Variants in CCNY observed in about 807,000 individuals in gnomAD.
CCNY encodes cyclin Y.
In CCNY, 19 loss-of-function variants were observed where a neutral mutation model predicts 42.8. The observed-to-expected ratio is 0.44, with a 90% confidence interval of 0.31 to 0.65. The LOEUF (loss-of-function observed/expected upper bound fraction) is 0.65. CCNY is among the 30% of genes least tolerant of loss of function. The pLI is 0.07. For synonymous variants in CCNY, 165 were observed against 162.7 expected (o/e 1.01, Z -0.11); for missense variants, 370 against 437.3 (o/e 0.85, Z 1.37).
At chr10:35,325,554 A>C (rs1196534429) in intron 3 of CCNY, among the ~76,000 whole-genome samples, 1 of 145,864 alleles carries the variant, frequency 6.9e-6, no homozygotes, top group African/African-American at 2.6e-5. Context: ...ATCTCAGCTC[A>C]CTGCAGCCTC....
chr10:35,316,222 G>C (rs1323134566), intron 3 of CCNY: 1 of 152,206 alleles, frequency 6.6e-6, no homozygotes, highest in East Asian at 1.9e-4. Flanking sequence ...GAGCTGGCCA[G>C]GGGTAGGAGT....
intron 1 of CCNY, among the ~76,000 whole-genome samples, chr10:35,352,287 C>G (rs952568749): frequency 6.6e-6 from 1 of 152,156 alleles, no homozygotes; most frequent in East Asian, 1.9e-4. Flanking sequence ...AGTGGAGTTC[C>G]TTTCCTTTCT....
chr10:35,263,994 C>T (rs566019866), intron 3 of CCNY, among the ~76,000 whole-genome samples: 26 of 152,266 alleles, frequency 1.7e-4, no homozygotes, highest in Middle Eastern at 3.4e-3. Flanking sequence ...TCCATGTCCC[C>T]GCAAAGGACA....
chr10:35,321,603 G>T (rs1180754271), intron 3 of CCNY, among the ~76,000 whole-genome samples: 2 of 151,920 alleles, frequency 1.3e-5, no homozygotes, highest in Non-Finnish European at 2.9e-5. Context: ...GCTTGAGTCT[G>T]GGTGGTTGAG....
chr10:35,460,867 C>T (rs1253542440), intron 1 of CCNY, among the ~76,000 whole-genome samples: 2 of 152,152 alleles, frequency 1.3e-5, no homozygotes, highest in Non-Finnish European at 1.5e-5. Context: ...AGTGATGCTC[C>T]ATGCCAAGCA....
At chr10:35,426,433 ACT>A (rs1230121782) in intron 1 of CCNY, among the ~76,000 whole-genome samples, 2 of 152,066 alleles carry the variant, frequency 1.3e-5, no homozygotes, top group Non-Finnish European at 2.9e-5. Flanking sequence ...CACAGTTCAA[ACT>A]CTGTTTAGTG....
intron 8 of CCNY, among the ~76,000 whole-genome samples, chr10:35,556,887 C>T (rs1841372424): frequency 6.6e-6 from 1 of 151,394 alleles, no homozygotes; most frequent in South Asian, 2.1e-4. Context: ...TTGTTGTTGC[C>T]CAGGCTGGAG....
At position 35,336,708 on chromosome 10, in the gene CCNY, G is replaced by T. The variant is rs1375483213; in HGVS notation, c.-346G>T. The stretch of plus-strand genomic sequence containing the variant: ...ACACCAACTGGGGAAGCGCGGGGGG[G>T]AGGCGGCCTGCGCGGCGCCGCCCGC... On this transcript the variant is annotated 5_prime_UTR_variant, in exon 1 of 10. Transcript: ENST00000374704. Among the ~76,000 whole-genome samples, 1 of 147,330 alleles carries T rather than the reference G, an allele frequency of 6.8e-6. No homozygotes were observed. The highest frequency in any genetic ancestry group is 1.5e-5 in the Non-Finnish European group (1 of 66,076).
At chr10:35,537,572 G>A (rs1374247409) in intron 7 of CCNY, among the ~76,000 whole-genome samples, 1 of 152,286 alleles carries the variant, frequency 6.6e-6, no homozygotes, top group Non-Finnish European at 1.5e-5. Flanking sequence ...CCCACCTTTT[G>A]GATCAGCGTG....
chr10:35,343,604 G>A (rs767985165), intron 1 of CCNY, among the ~76,000 whole-genome samples: 2 of 151,652 alleles, frequency 1.3e-5, no homozygotes, highest in South Asian at 2.1e-4. Context: ...TGGCCAGGCC[G>A]ATCTCAAACT....
chr10:35,385,715 C>A (rs992125892), intron 1 of CCNY, among the ~76,000 whole-genome samples: 2 of 152,112 alleles, frequency 1.3e-5, no homozygotes, highest in Non-Finnish European at 2.9e-5. Context: ...TTTTAAAACC[C>A]AGTTGCCCTT....
In CCNY at chr10:35,273,496, T is replaced by C. The variant is rs143465720; in HGVS notation, c.-9+22870T>C. On this transcript the variant is annotated intron_variant, in intron 3 of 11. Coordinates refer to the CCNY transcript ENST00000374706. ...CTGGGATTACAGGCATGAGCCACTG[T>C]GGCCGGCGATCCTCCTCATTCTTAC... Among the ~76,000 whole-genome samples, 340 of 152,198 alleles carry C rather than the reference T, an allele frequency of 2.2e-3. 2 individuals carry two copies. The highest frequency in any genetic ancestry group is 7.7e-3 in the African/African-American group (320 of 41,540).
At chr10:35,537,934 C>A (rs1840919044) in intron 7 of CCNY, among the ~76,000 whole-genome samples, 2 of 151,880 alleles carry the variant, frequency 1.3e-5, no homozygotes, top group South Asian at 2.1e-4. Context: ...TGGCTGTGTC[C>A]CCACCAAGAT....
intron 1 of CCNY, among the ~76,000 whole-genome samples, chr10:35,437,483 G>A (rs1838563731): frequency 6.6e-6 from 1 of 152,008 alleles, no homozygotes; most frequent in Non-Finnish European, 1.5e-5. Context: ...GCAAAAACCT[G>A]CCTCTACAAA....
Position 35,313,700 on chromosome 10 carries a change from C to T in CCNY, c.-9+63074C>T, listed in dbSNP as rs934692235. On this transcript the variant is annotated intron_variant, in intron 3 of 11. Transcript: ENST00000374706. ...AAGATTAAAAGTAAATGGCTGGGCA[C>T]GGTGGCTCATGCCTGTAATCCCAAC... 1.6e-4 allele frequency among the ~76,000 whole-genome samples: 24 copies of T among 152,234 alleles called. 1 individual carries two copies. The highest frequency in any genetic ancestry group is 5.2e-4 in the Admixed American group (8 of 15,298).
intron 3 of CCNY, 65 bp downstream of exon 3, chr10:35,501,600 G>A: frequency 1.5e-6 from 2 of 1,355,088 alleles, no homozygotes; most frequent in African/African-American, 1.4e-5. Flanking sequence ...TAAAATAACT[G>A]TCTGTGATGG....
intron 1 of CCNY, chr10:35,455,238 C>G (rs975710359): frequency 2.6e-5 from 4 of 152,110 alleles, no homozygotes; most frequent in African/African-American, 9.7e-5. Flanking sequence ...TATTGTTGAT[C>G]TTGGATTTCT....
intron 2 of CCNY, among the ~76,000 whole-genome samples, chr10:35,492,050 C>G (rs868559287): frequency 1.3e-5 from 2 of 152,142 alleles, no homozygotes; most frequent in African/African-American, 4.8e-5. Context: ...CCTGGACTCT[C>G]GTTTCCTCCT....
At chr10:35,453,791 T>C (rs1199453759) in intron 1 of CCNY, among the ~76,000 whole-genome samples, 2 of 152,236 alleles carry the variant, frequency 1.3e-5, no homozygotes, top group Non-Finnish European at 2.9e-5. Flanking sequence ...ACCATATTGA[T>C]GTTTTACTGC....
Sources: allele counts gnomAD v4.1 joint callset (sites outside exome capture counted in the v4.1 genomes callset), GRCh38; gene constraint gnomAD v4.1.1; transcripts MANE v1.5; gene names NCBI Gene and HGNC (gene_info 2026-07-23, HGNC 2026-07-21).